The following AGPAT4 variants were observed in gnomAD, a reference collection of about 807,000 sequenced individuals.
AGPAT4 encodes the protein 1-acylglycerol-3-phosphate O-acyltransferase 4.
In AGPAT4, 15 loss-of-function variants were observed where a neutral mutation model predicts 48.0. The observed-to-expected ratio is 0.31, with a 90% CI of 0.21 to 0.48. AGPAT4 has a LOEUF of 0.48. Among genes scored for constraint, AGPAT4 ranks in the 20% least tolerant of loss-of-function variants. The pLI, the probability that AGPAT4 is intolerant of heterozygous loss-of-function variation, is 0.99. For synonymous variants in AGPAT4, 178 were observed against 198.7 expected (o/e 0.90, Z 0.88); for missense variants, 314 against 482.5 (o/e 0.65, Z 3.27).
rs1780200657 is a variant in AGPAT4 at position 161,169,322 on chromosome 6, G to C, written c.179-2905C>G. Among the ~76,000 whole-genome samples, 1 of 152,226 alleles carries C rather than the reference G, an allele frequency of 6.6e-6. No individual in the cohort carries two copies. Reference sequence around the variant, plus strand: ...CTGGAATAGGGAGGCCAGTTAGCGGGTGACTACATCAGCACAGCGAGAGGG... The same window carrying C: ...CTGGAATAGGGAGGCCAGTTAGCGGCTGACTACATCAGCACAGCGAGAGGG... On this transcript the variant is annotated intron_variant, in intron 2 of 8. Transcript: ENST00000320285. The surrounding 1 kb of genome is among the most constrained non-coding windows in gnomAD (Gnocchi z 5.0).
rs1983695 is a variant in AGPAT4, at chr6:161,184,571, C to A, written c.179-18154G>T. 0.26 allele frequency among the ~76,000 whole-genome samples: 39,746 copies of A among 151,860 alleles called. 6,385 individuals carry two copies. Among genetic ancestry groups the A allele is most frequent in the South Asian group, 0.38 (1,840 of 4,796 alleles). ...GCCTCCCCTGGCCCTGCCCCGGACC[C>A]CCCATTCCCACCTGTCATCCTCTGG... On this transcript the variant is annotated intron_variant, in intron 2 of 8. Coordinates refer to ENST00000320285, the MANE Select transcript of AGPAT4 (RefSeq NM_020133.3). This position sits in a 1 kb window ranked among gnomAD's most constrained non-coding sequence, Gnocchi z 4.8.
At chr6:161,205,010 C>T (rs1224107042) in intron 2 of AGPAT4, among the ~76,000 whole-genome samples, 1 of 152,182 alleles carries the variant, frequency 6.6e-6, no homozygotes, top group Non-Finnish European at 1.5e-5. Flanking sequence ...AGGAAGCCAG[C>T]CTCAGCCTCA....
rs369671876 is a variant in AGPAT4, at chr6:161,223,922, C to A, written c.178+8114G>T. Among the ~76,000 whole-genome samples the A allele has an allele frequency of 6.6e-6, 1 of 152,230 alleles. No individual in the cohort carries two copies. Among genetic ancestry groups the A allele is most frequent in the Non-Finnish European group, 1.5e-5 (1 of 68,042 alleles). ...TGGAACAGTAAGTGCTCAGTAAATA[C>A]TAGCTGGCTAAAAGTTCATAGAATA... On this transcript the variant is annotated intron_variant, in intron 2 of 8. Transcript: ENST00000320285. The surrounding 1 kb of genome is among the most constrained non-coding windows in gnomAD (Gnocchi z 6.3).
At position 161,202,171 on chromosome 6, in the gene AGPAT4, T is replaced by G. The variant is rs116037450; in HGVS notation, c.178+29865A>C. Reference sequence around the variant, plus strand: ...CAAAATAACAAAAACACTTATTATCTCCGACAGTTTCTGAAGGTGGAGAAT... The same window carrying G: ...CAAAATAACAAAAACACTTATTATCGCCGACAGTTTCTGAAGGTGGAGAAT... On this transcript the variant is annotated intron_variant, in intron 2 of 8. Transcript: ENST00000320285. The surrounding 1 kb of genome is among the most constrained non-coding windows in gnomAD (Gnocchi z 5.4). Among the ~76,000 whole-genome samples, 30 of 152,196 alleles carry G rather than the reference T, an allele frequency of 2.0e-4. No individual in the cohort carries two copies. The highest frequency in any genetic ancestry group is 7.0e-4 in the African/African-American group (29 of 41,538).
chr6:161,268,107 T>C (rs1783317396), intron 1 of AGPAT4, among the ~76,000 whole-genome samples: 1 of 152,174 alleles, frequency 6.6e-6, no homozygotes, highest in Non-Finnish European at 1.5e-5. Flanking sequence ...TTTCTCTCTC[T>C]GTAAAATGGA....
chr6:161,139,151 A>C lies in AGPAT4; in HGVS notation c.1042+271T>G, dbSNP rs1194544380. Among the ~76,000 whole-genome samples the C allele has an allele frequency of 6.6e-6, 1 of 152,138 alleles. No homozygotes were observed. Among genetic ancestry groups the C allele is most frequent in the Non-Finnish European group, 1.5e-5 (1 of 68,010 alleles). On this transcript the variant is annotated intron_variant, in intron 8 of 8. Coordinates refer to ENST00000320285, the MANE Select transcript of AGPAT4 (RefSeq NM_020133.3). The surrounding 1 kb of genome is among the most constrained non-coding windows in gnomAD (Gnocchi z 9.1). ...AGCACTCCCAGCTGTCGGGGAGTGA[A>C]GTGGCAGCTGCATCACCACCCAACA... is the stretch of plus-strand genomic sequence containing the variant.
intron 2 of AGPAT4, among the ~76,000 whole-genome samples, chr6:161,205,954 G>A (rs898052757): frequency 8.1e-4 from 123 of 152,194 alleles, no homozygotes; most frequent in African/African-American, 2.8e-3. Context: ...ATAAACGTAA[G>A]AGACTCTGAA....
intron 2 of AGPAT4, among the ~76,000 whole-genome samples, chr6:161,193,777 C>T (rs1780989206): frequency 6.6e-6 from 1 of 152,188 alleles, no homozygotes; most frequent in Non-Finnish European, 1.5e-5. Flanking sequence ...GCTGTGGTGC[C>T]CTGACTATCT....
In AGPAT4 at chr6:161,225,763, A is replaced by C. The variant is rs1781962589; in HGVS notation, c.178+6273T>G. Among the ~76,000 whole-genome samples, 1 of 152,196 alleles carries C rather than the reference A, an allele frequency of 6.6e-6. No homozygotes were observed. Among genetic ancestry groups the C allele is most frequent in the South Asian group, 2.1e-4 (1 of 4,830 alleles). ...AGTAAAAGGTACCCGCAGGTGACAGAGGAAAAAGAGGAAAAGGTTGTCCCA... is the reference window on the plus strand; with the variant it reads ...AGTAAAAGGTACCCGCAGGTGACAGCGGAAAAAGAGGAAAAGGTTGTCCCA... On this transcript the variant is annotated intron_variant, in intron 2 of 8. Transcript: ENST00000320285. This position sits in a 1 kb window ranked among gnomAD's most constrained non-coding sequence, Gnocchi z 5.0.
rs1780553629 is a variant in AGPAT4, at chr6:161,180,549, CAA to C, written c.179-14134_179-14133del. Among the ~76,000 whole-genome samples the C allele has an allele frequency of 6.6e-6, 1 of 152,162 alleles. No individual in the cohort carries two copies. Among genetic ancestry groups the C allele is most frequent in the Non-Finnish European group, 1.5e-5 (1 of 68,038 alleles). ...CATAGGTGATTGCTATGAAATATAACAAATATGTATAATTATACATTTATAAT... is the reference window on the plus strand; with the variant it reads ...CATAGGTGATTGCTATGAAATATAACATATGTATAATTATACATTTATAAT... On this transcript the variant is annotated intron_variant, in intron 2 of 8. Coordinates refer to ENST00000320285, the MANE Select transcript of AGPAT4 (RefSeq NM_020133.3). The surrounding 1 kb of genome is among the most constrained non-coding windows in gnomAD (Gnocchi z 6.4).
chr6:161,227,126 A>G (rs1345097472), intron 2 of AGPAT4, among the ~76,000 whole-genome samples: 1 of 152,286 alleles, frequency 6.6e-6, no homozygotes, highest in East Asian at 1.9e-4. Flanking sequence ...TCAGTCTGCT[A>G]GTGTCTGGGA....
Position 161,245,970 on chromosome 6 carries a change from C to T in AGPAT4, c.-89-13668G>A, listed in dbSNP as rs893239371. ...TTATTGAAGACAGAATTGCTGGCTT[C>T]GAGTGCCCAAACTAAGTTGACATGC... On this transcript the variant is annotated intron_variant, in intron 1 of 8. Coordinates refer to ENST00000320285, the MANE Select transcript of AGPAT4 (RefSeq NM_020133.3). This position sits in a 1 kb window ranked among gnomAD's most constrained non-coding sequence, Gnocchi z 5.2. 2.0e-5 allele frequency among the ~76,000 whole-genome samples: 3 copies of T among 152,156 alleles called. No homozygotes were observed. The highest frequency in any genetic ancestry group is 1.5e-5 in the Non-Finnish European group (1 of 68,036).
chr6:161,248,588 A>G (rs991709276), intron 1 of AGPAT4, among the ~76,000 whole-genome samples: 1 of 150,716 alleles, frequency 6.6e-6, no homozygotes, highest in South Asian at 2.1e-4. Context: ...AAAAAAAAAA[A>G]AAAAAACTAG....
At position 161,261,727 on chromosome 6, in the gene AGPAT4, G is replaced by A. The variant is rs987806756; in HGVS notation, c.-90+12211C>T. Among the ~76,000 whole-genome samples the A allele has an allele frequency of 6.6e-6, 1 of 152,228 alleles. No individual in the cohort carries two copies. Among genetic ancestry groups the A allele is most frequent in the Non-Finnish European group, 1.5e-5 (1 of 68,038 alleles). ...CTTTTCTAGGAATACATGTTTGTAA[G>A]GGGGTTTCCTCCACCTGGTTTTGCC... On this transcript the variant is annotated intron_variant, in intron 1 of 8. Coordinates refer to ENST00000320285, the MANE Select transcript of AGPAT4 (RefSeq NM_020133.3). The surrounding 1 kb of genome is among the most constrained non-coding windows in gnomAD (Gnocchi z 5.3).
In AGPAT4 at chr6:161,171,685, C is replaced by T. The variant is rs1583300422; in HGVS notation, c.179-5268G>A. On this transcript the variant is annotated intron_variant, in intron 2 of 8. Coordinates refer to ENST00000320285, the MANE Select transcript of AGPAT4 (RefSeq NM_020133.3). The surrounding 1 kb of genome is among the most constrained non-coding windows in gnomAD (Gnocchi z 4.4). ...CAGGCAGATCACAAGGTCAGGAGATCGAGACCATCCTGGCTAACACAGTGA... is the reference window on the plus strand; with the variant it reads ...CAGGCAGATCACAAGGTCAGGAGATTGAGACCATCCTGGCTAACACAGTGA... Among the ~76,000 whole-genome samples, 1 of 150,636 alleles carries T rather than the reference C, an allele frequency of 6.6e-6. No homozygotes were observed. Among genetic ancestry groups the T allele is most frequent in the Non-Finnish European group, 1.5e-5 (1 of 67,824 alleles).
rs1275470241 is a variant in AGPAT4, at chr6:161,158,224, C to T, written c.349-3914G>A. The stretch of plus-strand genomic sequence containing the variant: ...AAGAGACTAGAAACTGCTATTAAGA[C>T]ATACTGACAGTTCCCCCGGCAAAAG... On this transcript the variant is annotated intron_variant, in intron 3 of 8. Transcript: ENST00000320285. This position sits in a 1 kb window ranked among gnomAD's most constrained non-coding sequence, Gnocchi z 5.3. Among the ~76,000 whole-genome samples, 1 of 152,224 alleles carries T rather than the reference C, an allele frequency of 6.6e-6. No individual in the cohort carries two copies. Among genetic ancestry groups the T allele is most frequent in the Non-Finnish European group, 1.5e-5 (1 of 68,036 alleles).
At chr6:161,228,660 G>GAAAAAAAAAAAAAAAAA (rs1562347784) in intron 2 of AGPAT4, among the ~76,000 whole-genome samples, 2 of 53,016 alleles carry the variant, frequency 3.8e-5, no homozygotes, top group African/African-American at 1.8e-4. Context: ...TGTCAGAGAG[G>GAAAAAAAAAAAAAAAAA]TAAAAAAAAA....
intron 2 of AGPAT4, among the ~76,000 whole-genome samples, chr6:161,170,465 GCGCGCGCGCACACACA>G (rs1240114325): frequency 1.6e-5 from 1 of 62,294 alleles, no homozygotes; most frequent in Non-Finnish European, 3.3e-5. Flanking sequence ...GTGCACACGT[GCGCGCGCGCACACACA>G]CACACACACA....
rs1428879636 is a variant in AGPAT4, at chr6:161,131,729, T to C, written c.*4811A>G. ...ATAGCAGTAATTTCAAACAGTTGAA[T>C]GTCGTGATCGATACTATGTCAGTTG... On this transcript the variant is annotated 3_prime_UTR_variant, in exon 9 of 9. Transcript: ENST00000320285. The C allele has an allele frequency of 6.6e-6, 1 of 152,232 alleles. No homozygotes were observed. Among genetic ancestry groups the C allele is most frequent in the Non-Finnish European group, 1.5e-5 (1 of 68,046 alleles). The allele number at this position is 152,232 out of a possible 1,614,324, so 9.4% of individuals were successfully genotyped here. A position where few individuals can be genotyped will look rare whatever the true frequency, so the allele number is the denominator to read the frequency against.
Sources: gnomAD v4.1 joint callset for allele counts (sites outside exome capture counted in the v4.1 genomes callset) on GRCh38, gnomAD v4.1.1 for gene constraint, Gnocchi (gnomAD v3.1) non-coding constraint, MANE v1.5 for transcripts, NCBI Gene and HGNC (gene_info 2026-07-23, HGNC 2026-07-21) for gene names.